SVOP: variants seen among roughly 807,000 people sequenced by gnomAD.
The protein encoded by SVOP is synaptic vesicle 2-related protein.
In SVOP, 17 loss-of-function variants were observed where a neutral mutation model predicts 69.1. That is an observed-to-expected ratio of 0.25 (90% confidence interval 0.17 to 0.37). The LOEUF (loss-of-function observed/expected upper bound fraction) is 0.37. SVOP is among the 10% of genes least tolerant of loss of function. The pLI is 1.00. For missense variants in SVOP, 435 were observed against 597.5 expected (o/e 0.73, Z 2.84); for synonymous variants, 238 against 238.6 (o/e 1.00, Z 0.02).
chr12:109,009,516 G>A (rs972799852), intron 1 of SVOP, among the ~76,000 whole-genome samples: 12 of 151,954 alleles, frequency 7.9e-5, no homozygotes, highest in Admixed American at 7.2e-4. Context: ...GGATTCAAGC[G>A]ATTCTCCTGC....
chr12:108,923,933 T>G (rs1027498979), intron 11 of SVOP, among the ~76,000 whole-genome samples: 7 of 152,122 alleles, frequency 4.6e-5, no homozygotes, highest in Non-Finnish European at 7.4e-5. Flanking sequence ...CTCCTAAAGA[T>G]AGAGGTGAAA....
At chr12:108,971,866 C>T (rs1023796905) in intron 5 of SVOP, among the ~76,000 whole-genome samples, 2 of 151,912 alleles carry the variant, frequency 1.3e-5, no homozygotes, top group African/African-American at 4.8e-5. Context: ...CCAGCCTGGG[C>T]AATATGGTGA....
chr12:108,935,390 A>G (rs2039850274), intron 10 of SVOP, among the ~76,000 whole-genome samples: 1 of 152,216 alleles, frequency 6.6e-6, no homozygotes, highest in Non-Finnish European at 1.5e-5. Flanking sequence ...GGCTTTCATA[A>G]TGCACTAAAA....
chr12:108,944,179 CTTT>C (rs36133433), intron 7 of SVOP, among the ~76,000 whole-genome samples: 2 of 143,332 alleles, frequency 1.4e-5, no homozygotes, highest in Non-Finnish European at 3.1e-5. Flanking sequence ...TGCGCCTGGC[CTTT>C]TTTTTTTTTT....
Position 108,997,399 on chromosome 12 carries a change from T to C in SVOP, c.36-13638A>G, listed in dbSNP as rs1262882681. Among the ~76,000 whole-genome samples, 3 of 151,158 alleles carry C rather than the reference T, an allele frequency of 2.0e-5. No homozygotes were observed. In the East Asian group the frequency reaches 5.9e-4, roughly 29 times the overall value. On this transcript the variant is annotated intron_variant, in intron 1 of 15. Coordinates refer to ENST00000610966, the MANE Select transcript of SVOP (RefSeq NM_018711.5). ...AGGCTGGGGGAGGGGCGCCCGCCAT[T>C]GCCCAGGCTTGCTTAGGTAAACAAA... is the stretch of plus-strand genomic sequence containing the variant.
At position 108,981,006 on chromosome 12, in the gene SVOP, T is replaced by C. The variant is rs1035528247; in HGVS notation, c.197-2343A>G. On this transcript the variant is annotated intron_variant, in intron 2 of 15. Coordinates refer to ENST00000610966, the MANE Select transcript of SVOP (RefSeq NM_018711.5). Reference sequence around the variant, plus strand: ...GATCTCATCAGCCCCTGCTGGGAGGTGTCATCTTTTTGGAATTTCAACCAT... The same window carrying C: ...GATCTCATCAGCCCCTGCTGGGAGGCGTCATCTTTTTGGAATTTCAACCAT... 2.8e-3 allele frequency among the ~76,000 whole-genome samples: 418 copies of C among 151,912 alleles called. 1 individual carries two copies. The highest frequency in any genetic ancestry group is 9.5e-3 in the African/African-American group (395 of 41,446).
chr12:108,940,972 G>C, intron 7 of SVOP, 63 bp from the exon 8 acceptor site: 1 of 1,503,988 alleles, frequency 6.6e-7, no homozygotes, highest in South Asian at 1.2e-5. Flanking sequence ...AGGAATTATG[G>C]GGGCATTGTG....
At chr12:108,920,700 C>T (rs751616986) in intron 12 of SVOP, among the ~76,000 whole-genome samples, 1 of 148,526 alleles carries the variant, frequency 6.7e-6, no homozygotes, top group Non-Finnish European at 1.5e-5. Context: ...TGGGTTCAAG[C>T]GATTCCTGTG....
intron 8 of SVOP, 67 bp downstream of exon 8, chr12:108,940,717 C>T: frequency 2.0e-6 from 3 of 1,512,538 alleles, no homozygotes. Flanking sequence ...TATCCCCTCC[C>T]CACCAAAATA....
At chr12:108,938,032 G>A (rs1007068866) in intron 9 of SVOP, among the ~76,000 whole-genome samples, 2 of 152,166 alleles carry the variant, frequency 1.3e-5, no homozygotes, top group Non-Finnish European at 2.9e-5. Flanking sequence ...ACCTCTTGAG[G>A]AATCCATCCT....
intron 1 of SVOP, among the ~76,000 whole-genome samples, chr12:108,986,369 C>A (rs1219723833): frequency 6.6e-6 from 1 of 152,168 alleles, no homozygotes. Flanking sequence ...AGGGTAACAC[C>A]TCTTCAGACT....
intron 1 of SVOP, among the ~76,000 whole-genome samples, chr12:109,015,037 A>C (rs755252389): frequency 3.9e-5 from 6 of 152,150 alleles, no homozygotes; most frequent in Non-Finnish European, 8.8e-5. Flanking sequence ...GGTATTTTTT[A>C]TTTTAATAGT....
In SVOP at chr12:108,919,776, C is replaced by A; in HGVS notation, c.1167G>T (p.Val389=). 1 of 1,594,858 alleles carries A rather than the reference C, an allele frequency of 6.3e-7. No individual in the cohort carries two copies. Among genetic ancestry groups the A allele is most frequent in the South Asian group, 1.1e-5 (1 of 87,760 alleles). ...TTLSEFPGVL[V]TLWIIDRLGR... ...CCAGGCGGTCAATAATCCACAGAGT[C>A]ACAAGGACACCTGGAAGGGGAGTGG... Residue 389 remains valine (V), a synonymous_variant, in exon 13 of 16, where the codon GTG becomes GTT. Transcript: ENST00000610966.
At chr12:108,928,431 C>T (rs1001964799) in intron 11 of SVOP, among the ~76,000 whole-genome samples, 2 of 152,114 alleles carry the variant, frequency 1.3e-5, no homozygotes, top group Non-Finnish European at 2.9e-5. Context: ...GACATGCCAA[C>T]CCTCAAATAT....
chr12:108,972,551 T>A, intron 4 of SVOP, 75 bp from the exon 5 acceptor site: 1 of 1,425,918 alleles, frequency 7.0e-7, no homozygotes, highest in Non-Finnish European at 9.6e-7. Flanking sequence ...CAAACGGAAG[T>A]GGTGACGTCA....
Position 108,960,988 on chromosome 12 carries a change from G to T in SVOP, c.513C>A (p.Pro171=). The T allele has an allele frequency of 1.3e-6, 2 of 1,537,090 alleles. No homozygotes were observed. Among genetic ancestry groups the T allele is most frequent in the Non-Finnish European group, 8.7e-7 (1 of 1,146,848 alleles). The part of the protein sequence containing the change: ...LYYGILSAFA[P]VYSWILVLRG... ...GGAGCACCAGGATCCAGCTATACACGGGCGCAAATGCACTAAGGATGCCAT... is the reference window on the plus strand; with the variant it reads ...GGAGCACCAGGATCCAGCTATACACTGGCGCAAATGCACTAAGGATGCCAT... Residue 171 remains proline (P), a synonymous_variant, in exon 6 of 16, where the codon CCC becomes CCA. Coordinates refer to ENST00000610966, the MANE Select transcript of SVOP (RefSeq NM_018711.5).
intron 6 of SVOP, among the ~76,000 whole-genome samples, chr12:108,956,118 G>A (rs1234075462): frequency 6.7e-6 from 1 of 148,786 alleles, no homozygotes; most frequent in Admixed American, 6.9e-5. Context: ...GGCCAACATG[G>A]TGAAACCCCG....
chr12:108,961,093 C>T (rs1421822849), intron 5 of SVOP, 46 bp from the exon 6 acceptor site: 1 of 1,516,838 alleles, frequency 6.6e-7, no homozygotes, highest in Non-Finnish European at 8.8e-7. Context: ...TTCAGCACCT[C>T]CAGGTAGCGT....
intron 7 of SVOP, among the ~76,000 whole-genome samples, chr12:108,944,710 G>A (rs1298346466): frequency 6.6e-6 from 1 of 152,036 alleles, no homozygotes; most frequent in Non-Finnish European, 1.5e-5. Flanking sequence ...CCACAGAAAT[G>A]GTCAAGAATG....
Sources: allele counts gnomAD v4.1 joint callset (sites outside exome capture counted in the v4.1 genomes callset), GRCh38; gene constraint gnomAD v4.1.1; transcripts MANE v1.5; gene names NCBI Gene and HGNC (gene_info 2026-07-23, HGNC 2026-07-21).